The following OSBPL3 variants were observed in gnomAD, a reference collection of about 807,000 sequenced individuals.
OSBPL3 encodes the protein oxysterol-binding protein-related protein 3.
A neutral mutation model predicts 120.1 loss-of-function variants in OSBPL3; 65 were observed. That is an observed-to-expected ratio of 0.54 (90% CI 0.44 to 0.67). The LOEUF (loss-of-function observed/expected upper bound fraction) is 0.67, where lower values mean the gene tolerates loss of function less well. Among genes scored for constraint, OSBPL3 ranks in the 30% least tolerant of loss-of-function variants. The pLI is 0.00. For synonymous variants in OSBPL3, 416 were observed against 402.6 expected, an observed-to-expected ratio of 1.03 and a Z score of -0.40; for missense variants, 1,004 against 1,082.1, an observed-to-expected ratio of 0.93 and a Z score of 1.01.
chr7:24,865,296 T>C (rs756233183), intron 7 of OSBPL3, 46 bp downstream of exon 7: 1 of 1,600,548 alleles, frequency 6.2e-7, no homozygotes, highest in Non-Finnish European at 8.5e-7. Flanking sequence ...CAAACCAGTA[T>C]CATCTAATAG....
At position 24,866,202 on chromosome 7, in the gene OSBPL3, C is replaced by T. The variant is rs150521424; in HGVS notation, c.417G>A (p.Ser139=). Residue 139 remains serine, a synonymous_variant, in exon 6 of 23, where the codon TCG becomes TCA. Transcript: ENST00000313367. ...KSEEVFDEWV[S]KLRHHRMYRQ... ...GATACATTCTGTGGTGGCGAAGTTT[C>T]GATACCCACTCATCAAAGACTTCTT... is the stretch of plus-strand genomic sequence containing the variant. The T allele has an allele frequency of 1.0e-4, 164 of 1,612,976 alleles. No homozygotes were observed. The highest frequency in any genetic ancestry group is 1.6e-4 in the Middle Eastern group (1 of 6,084).
rs748547271 is a variant in OSBPL3 at position 24,918,441 on chromosome 7, G to A, written c.-149-25820C>T. ...TCTAGATAGAAGTATGTATTTGGAA[G>A]AAAGAAGTGCCACTCGAGAGAGTTA... is the stretch of plus-strand genomic sequence containing the variant. On this transcript the variant is annotated intron_variant, in intron 1 of 22. Transcript: ENST00000313367. This position sits in a 1 kb window ranked among gnomAD's most constrained non-coding sequence, Gnocchi z 4.3. Among the ~76,000 whole-genome samples, 1 of 152,184 alleles carries A rather than the reference G, an allele frequency of 6.6e-6. No homozygotes were observed. Among genetic ancestry groups the A allele is most frequent in the Non-Finnish European group, 1.5e-5 (1 of 68,026 alleles).
At chr7:24,925,547 A>G (rs182000266) in intron 1 of OSBPL3, among the ~76,000 whole-genome samples, 19 of 152,352 alleles carry the variant, frequency 1.2e-4, no homozygotes, top group African/African-American at 4.3e-4. Context: ...AATGTCTCAA[A>G]GGAATTCTAC....
At chr7:24,864,858 CT>C (rs1801081031) in intron 7 of OSBPL3, among the ~76,000 whole-genome samples, 1 of 152,130 alleles carries the variant, frequency 6.6e-6, no homozygotes, top group Non-Finnish European at 1.5e-5. Context: ...TATCAGGGCC[CT>C]ACCTCAGACC....
At position 24,815,288 on chromosome 7, in the gene OSBPL3, G is replaced by T; in HGVS notation, c.2028-85C>A. 2.0e-6 allele frequency: 2 copies of T among 1,008,166 alleles called. No individual in the cohort carries two copies. Among genetic ancestry groups the T allele is most frequent in the Non-Finnish European group, 3.1e-6 (2 of 654,810 alleles). 62.5% of individuals were successfully genotyped at this position (1,008,166 alleles called of 1,614,324 possible). ...CAAACTCTGCTCTTTTATAAAATAA[G>T]TCATGCAATGCATTATTCATCTCTT... is the stretch of plus-strand genomic sequence containing the variant. On this transcript the variant is annotated intron_variant, in intron 18 of 22. Coordinates refer to ENST00000313367, the MANE Select transcript of OSBPL3 (RefSeq NM_015550.4). This position sits in a 1 kb window ranked among gnomAD's most constrained non-coding sequence, Gnocchi z 5.1.
chr7:24,846,177 T>C (rs1287749028), intron 12 of OSBPL3, among the ~76,000 whole-genome samples: 1 of 152,200 alleles, frequency 6.6e-6, no homozygotes, highest in East Asian at 1.9e-4. Flanking sequence ...TCATCCCTTA[T>C]TTTAACTGCT....
chr7:24,879,435 T>C lies in OSBPL3; in HGVS notation c.97-7366A>G, dbSNP rs972994487. Among the ~76,000 whole-genome samples, 5 of 152,202 alleles carry C rather than the reference T, an allele frequency of 3.3e-5. No homozygotes were observed. Among genetic ancestry groups the C allele is most frequent in the African/African-American group, 1.2e-4 (5 of 41,458 alleles). On this transcript the variant is annotated intron_variant, in intron 2 of 22. Transcript: ENST00000313367. The surrounding 1 kb of genome is among the most constrained non-coding windows in gnomAD (Gnocchi z 5.6). The stretch of plus-strand genomic sequence containing the variant: ...CCTTCTTTCCCTTCACACACAGATG[T>C]AGCTCTCCAACCTCAGGCCAGAGCT...
chr7:24,817,600 A>G lies in OSBPL3; in HGVS notation c.1949-912T>C, dbSNP rs999295105. 3.3e-5 allele frequency among the ~76,000 whole-genome samples: 5 copies of G among 152,200 alleles called. No individual in the cohort carries two copies. Among genetic ancestry groups the G allele is most frequent in the East Asian group, 3.8e-4 (2 of 5,196 alleles). The stretch of plus-strand genomic sequence containing the variant: ...TGCACTGAGTGGAAATAATCAGGCC[A>G]CTGATGTGATTAGACATGGACCTTG... On this transcript the variant is annotated intron_variant, in intron 17 of 22. Coordinates refer to ENST00000313367, the MANE Select transcript of OSBPL3 (RefSeq NM_015550.4). This position sits in a 1 kb window ranked among gnomAD's most constrained non-coding sequence, Gnocchi z 4.0.
chr7:24,847,619 G>A (rs191296429), intron 12 of OSBPL3, among the ~76,000 whole-genome samples: 1 of 152,310 alleles, frequency 6.6e-6, no homozygotes, highest in East Asian at 1.9e-4. Flanking sequence ...AAGTAGACAT[G>A]CCAAGCATAA....
chr7:24,807,472 G>A (rs1052755743), intron 20 of OSBPL3, among the ~76,000 whole-genome samples: 4 of 151,830 alleles, frequency 2.6e-5, no homozygotes, highest in East Asian at 1.9e-4. Flanking sequence ...CAGCCTGGGC[G>A]ACAAGAGCGA....
chr7:24,859,415 T>C (rs762161989), intron 10 of OSBPL3, among the ~76,000 whole-genome samples: 3 of 152,246 alleles, frequency 2.0e-5, no homozygotes, highest in Non-Finnish European at 4.4e-5. Context: ...ACTTAAATGT[T>C]TGTATATATC....
rs776985875 is a variant in OSBPL3, at chr7:24,892,359, G to A, written c.96+18C>T. On this transcript the variant is annotated intron_variant, in intron 2 of 22. Coordinates refer to ENST00000313367, the MANE Select transcript of OSBPL3 (RefSeq NM_015550.4). Reference sequence around the variant, plus strand: ...GGCTTACATTTGCATATTAAAATTTGCATGAGTTAAACTTTACCTGTCGAC... The same window carrying A: ...GGCTTACATTTGCATATTAAAATTTACATGAGTTAAACTTTACCTGTCGAC... The A allele has an allele frequency of 1.9e-6, 3 of 1,608,134 alleles. No homozygotes were observed. The highest frequency in any genetic ancestry group is 2.2e-5 in the South Asian group (2 of 90,846).
intron 7 of OSBPL3, 34 bp downstream of exon 7, chr7:24,865,308 C>T: frequency 6.2e-7 from 1 of 1,609,442 alleles, no homozygotes; most frequent in African/African-American, 1.3e-5. Context: ...ATCTAATAGC[C>T]ACAACAGAAA....
intron 2 of OSBPL3, among the ~76,000 whole-genome samples, chr7:24,886,570 C>T (rs1220412255): frequency 2.6e-5 from 4 of 152,150 alleles, no homozygotes; most frequent in Non-Finnish European, 2.9e-5. Context: ...GGATATTTGT[C>T]GCTGGTTTTC....
chr7:24,874,329 G>A (rs1554383884), intron 2 of OSBPL3, among the ~76,000 whole-genome samples: 1 of 152,090 alleles, frequency 6.6e-6, no homozygotes, highest in Non-Finnish European at 1.5e-5. Flanking sequence ...CTTTTGATTT[G>A]TTTGTTTTAA....
Position 24,952,920 on chromosome 7 carries a change from G to C in OSBPL3, c.-150+26966C>G, listed in dbSNP as rs1482153114. ...GGGGGCAGAGGTGGTAGGATCCCTG[G>C]AGCCCAGGAGTTCAAGACCAGCCTG... On this transcript the variant is annotated intron_variant, in intron 1 of 22. Coordinates refer to ENST00000313367, the MANE Select transcript of OSBPL3 (RefSeq NM_015550.4). The surrounding 1 kb of genome is among the most constrained non-coding windows in gnomAD (Gnocchi z 4.4). Among the ~76,000 whole-genome samples the C allele has an allele frequency of 1.3e-5, 2 of 152,116 alleles. No individual in the cohort carries two copies. Among genetic ancestry groups the C allele is most frequent in the East Asian group, 3.9e-4 (2 of 5,194 alleles).
In OSBPL3 at chr7:24,821,436, G is replaced by A. The variant is rs1795129001; in HGVS notation, c.1885-1198C>T. 6.6e-6 allele frequency among the ~76,000 whole-genome samples: 1 copy of A among 152,192 alleles called. No homozygotes were observed. Among genetic ancestry groups the A allele is most frequent in the Non-Finnish European group, 1.5e-5 (1 of 68,030 alleles). On this transcript the variant is annotated intron_variant, in intron 16 of 22. Coordinates refer to ENST00000313367, the MANE Select transcript of OSBPL3 (RefSeq NM_015550.4). This position sits in a 1 kb window ranked among gnomAD's most constrained non-coding sequence, Gnocchi z 5.5. Reference sequence around the variant, plus strand: ...CTTGCTTGAGATAAACAGGTGGGGAGGAAGGGAGGGCAGTGGGTGACAAAT... The same window carrying A: ...CTTGCTTGAGATAAACAGGTGGGGAAGAAGGGAGGGCAGTGGGTGACAAAT...
chr7:24,905,436 T>A (rs572292518), intron 1 of OSBPL3, among the ~76,000 whole-genome samples: 2 of 152,054 alleles, frequency 1.3e-5, no homozygotes, highest in African/African-American at 4.8e-5. Context: ...GAGAGTGAGA[T>A]AGGTATCAGA....
intron 1 of OSBPL3, among the ~76,000 whole-genome samples, chr7:24,921,448 T>C (rs1271931597): frequency 6.6e-6 from 1 of 152,206 alleles, no homozygotes; most frequent in Non-Finnish European, 1.5e-5. Context: ...TCTTTGACAC[T>C]ACTCAAAACA....
Sources: gnomAD v4.1 joint callset for allele counts (sites outside exome capture counted in the v4.1 genomes callset) on GRCh38, gnomAD v4.1.1 for gene constraint, Gnocchi (gnomAD v3.1) non-coding constraint, MANE v1.5 for transcripts, NCBI Gene and HGNC (gene_info 2026-07-23, HGNC 2026-07-21) for gene names.